ZNF385D: variants seen among roughly 807,000 people sequenced by gnomAD.
ZNF385D encodes zinc finger protein 385D.
Under a neutral mutation model 35.8 loss-of-function variants are expected in ZNF385D, and 15 were observed. The ratio of observed to expected loss-of-function variants is 0.42; its 90% confidence interval spans 0.28 to 0.64. ZNF385D has a LOEUF of 0.64. Ranked by LOEUF, ZNF385D falls within the 30% of genes least tolerant of loss-of-function variation. The pLI, the probability that ZNF385D is intolerant of heterozygous loss-of-function variation, is 0.23. For missense variants in ZNF385D, 474 were observed against 494.6 expected (o/e 0.96, Z 0.39); for synonymous variants, 212 against 186.8 (o/e 1.13, Z -1.10).
At chr3:21,608,052 C>T (rs2064549063) in intron 2 of ZNF385D, among the ~76,000 whole-genome samples, 1 of 61,976 alleles carries the variant, frequency 1.6e-5, no homozygotes, top group Admixed American at 2.1e-4. Flanking sequence ...TGCTGTCGCC[C>T]AGACAGGAGT....
intron 3 of ZNF385D, among the ~76,000 whole-genome samples, chr3:21,924,473 T>C (rs1254225921): frequency 6.6e-6 from 1 of 152,194 alleles, no homozygotes; most frequent in Non-Finnish European, 1.5e-5. Flanking sequence ...AGAAAACTTT[T>C]AGACAGTAAC....
intron 2 of ZNF385D, among the ~76,000 whole-genome samples, chr3:21,583,959 CTTAT>C (rs56661908): frequency 1.9e-3 from 258 of 138,298 alleles, no homozygotes; most frequent in African/African-American, 6.2e-3. Flanking sequence ...TACTTATTTA[CTTAT>C]TTATTTATTT....
At chr3:21,948,589 T>C (rs1701907927) in intron 3 of ZNF385D, among the ~76,000 whole-genome samples, 1 of 152,118 alleles carries the variant, frequency 6.6e-6, no homozygotes, top group Admixed American at 6.5e-5. Context: ...AAATACCAGA[T>C]TTCTATATAC....
At chr3:22,293,105 A>G (rs1193028465) in intron 2 of ZNF385D, among the ~76,000 whole-genome samples, 1 of 152,074 alleles carries the variant, frequency 6.6e-6, no homozygotes, top group Non-Finnish European at 1.5e-5. Context: ...TATAACTCAA[A>G]TGCTATCTTT....
At chr3:21,490,328 G>T (rs1705336212) in intron 4 of ZNF385D, among the ~76,000 whole-genome samples, 1 of 151,922 alleles carries the variant, frequency 6.6e-6, no homozygotes, top group African/African-American at 2.4e-5. Flanking sequence ...ACCACGTCTG[G>T]CTCTTCTTTT....
At chr3:22,219,215 G>A (rs1336190062) in intron 2 of ZNF385D, among the ~76,000 whole-genome samples, 1 of 152,000 alleles carries the variant, frequency 6.6e-6, no homozygotes, top group African/African-American at 2.4e-5. Context: ...CACAATTTCT[G>A]TAAAAATTCC....
chr3:21,937,584 A>G (rs2125263972), intron 3 of ZNF385D, among the ~76,000 whole-genome samples: 1 of 152,266 alleles, frequency 6.6e-6, no homozygotes, highest in South Asian at 2.1e-4. Context: ...TGAATTCTAA[A>G]AATGTATTTA....
chr3:21,735,831 T>C (rs1249157096), intron 1 of ZNF385D, among the ~76,000 whole-genome samples: 3 of 152,210 alleles, frequency 2.0e-5, no homozygotes, highest in Non-Finnish European at 2.9e-5. Context: ...TCTTGTAGGA[T>C]TGGGCTTTGA....
intron 2 of ZNF385D, among the ~76,000 whole-genome samples, chr3:21,630,625 C>G (rs1041605766): frequency 6.6e-6 from 1 of 152,090 alleles, no homozygotes; most frequent in Non-Finnish European, 1.5e-5. Flanking sequence ...CCTCACTCTG[C>G]ACATCTGTAA....
At chr3:21,608,023 G>GTTTTTTTTTTTTTTTTTT (rs572518584) in intron 2 of ZNF385D, among the ~76,000 whole-genome samples, 1 of 120,220 alleles carries the variant, frequency 8.3e-6, no homozygotes, top group Non-Finnish European at 1.7e-5. Flanking sequence ...TTTTTTTTTT[G>GTTTTTTTTTTTTTTTTTT]TTTTTTTTTT....
intron 2 of ZNF385D, among the ~76,000 whole-genome samples, chr3:22,306,403 CAT>C (rs1703222121): frequency 6.6e-6 from 1 of 151,916 alleles, no homozygotes; most frequent in Non-Finnish European, 1.5e-5. Context: ...AGGAGAATGT[CAT>C]ATTATTAAGT....
At chr3:22,079,287 C>CT (rs200074364) in intron 3 of ZNF385D, among the ~76,000 whole-genome samples, 1 of 151,402 alleles carries the variant, frequency 6.6e-6, no homozygotes, top group African/African-American at 2.4e-5. Flanking sequence ...GATATATCTG[C>CT]TTTGTAAATA....
At chr3:22,231,989 G>A (rs554065178) in intron 2 of ZNF385D, among the ~76,000 whole-genome samples, 2 of 152,040 alleles carry the variant, frequency 1.3e-5, no homozygotes, top group African/African-American at 4.8e-5. Flanking sequence ...CACCATGATT[G>A]TAAGTTTCCT....
At chr3:22,010,996 C>A (rs1172154847) in intron 3 of ZNF385D, among the ~76,000 whole-genome samples, 2 of 152,088 alleles carry the variant, frequency 1.3e-5, no homozygotes, top group Admixed American at 6.5e-5. Flanking sequence ...TAGACTATTT[C>A]AATGGATCAT....
chr3:22,121,287 C>A (rs2125665599), intron 3 of ZNF385D, among the ~76,000 whole-genome samples: 1 of 152,288 alleles, frequency 6.6e-6, no homozygotes, highest in South Asian at 2.1e-4. Context: ...CCTGCAAGCG[C>A]TTACAGCAGG....
chr3:21,658,176 T>G (rs1249142592), intron 2 of ZNF385D, among the ~76,000 whole-genome samples: 2 of 152,048 alleles, frequency 1.3e-5, no homozygotes, highest in African/African-American at 4.8e-5. Flanking sequence ...CAACATTTTA[T>G]CACTATGACA....
At chr3:21,937,983 G>C (rs1701342823) in intron 3 of ZNF385D, among the ~76,000 whole-genome samples, 1 of 152,216 alleles carries the variant, frequency 6.6e-6, no homozygotes, top group Non-Finnish European at 1.5e-5. Flanking sequence ...CTATATGGCA[G>C]ATGTGTAATT....
intron 2 of ZNF385D, among the ~76,000 whole-genome samples, chr3:21,650,862 C>G (rs943874386): frequency 6.6e-6 from 1 of 152,124 alleles, no homozygotes; most frequent in Non-Finnish European, 1.5e-5. Flanking sequence ...TGAGAGTTAA[C>G]TGATGGGAAG....
chr3:21,521,788 A>G (rs990370036), intron 3 of ZNF385D, among the ~76,000 whole-genome samples: 1 of 152,174 alleles, frequency 6.6e-6, no homozygotes, highest in Non-Finnish European at 1.5e-5. Context: ...AAAAAATACC[A>G]TAGGCAAAGT....
Sources: gnomAD v4.1 joint callset for allele counts (sites outside exome capture counted in the v4.1 genomes callset) on GRCh38, gnomAD v4.1.1 for gene constraint, MANE v1.5 for transcripts, NCBI Gene and HGNC (gene_info 2026-07-23, HGNC 2026-07-21) for gene names.